ATP13A4: variants seen among roughly 807,000 people sequenced by gnomAD.
The protein encoded by ATP13A4 is ATPase 13A4, also known as probable cation-transporting ATPase 13A4.
ATP13A4 carries 114 observed loss-of-function variants against 142.5 expected under a neutral mutation model. That is an observed-to-expected ratio of 0.80 (90% CI 0.69 to 0.93). The LOEUF is 0.93. Among genes scored for constraint, ATP13A4 ranks in the 40% least tolerant of loss-of-function variants. The probability of loss-of-function intolerance (pLI) is 0.00; values close to 1 mark genes in which losing one functional copy is unlikely to be tolerated. For synonymous variants in ATP13A4, 488 were observed against 514.8 expected (o/e 0.95, Z 0.70); for missense variants, 1,392 against 1,454.0 (o/e 0.96, Z 0.69).
rs759427943 is a variant in ATP13A4 at position 193,467,373 on chromosome 3, C to G, written c.1057G>C (p.Val353Leu). 6.2e-7 allele frequency: 1 copy of G among 1,613,986 alleles called. No homozygotes were observed. The highest frequency in any genetic ancestry group is 8.5e-7 in the Non-Finnish European group (1 of 1,180,028). Reference protein sequence around the residue: ...KRHVLFCGTEVIQAKAACSGT... With the variant: ...KRHVLFCGTELIQAKAACSGT... Reference sequence around the variant, plus strand: ...GAGCAAGCTGCCTTGGCCTGGATAACCTCTGTTCCACAGAAGAGGACATGC... The same window carrying G: ...GAGCAAGCTGCCTTGGCCTGGATAAGCTCTGTTCCACAGAAGAGGACATGC... The change falls in exon 10 of 30, where the codon GTT becomes CTT. Residue 353 changes from valine to leucine, a missense_variant. Transcript: ENST00000342695.
chr3:193,408,848 C>G (rs1289236646), intron 28 of ATP13A4, among the ~76,000 whole-genome samples: 1 of 152,198 alleles, frequency 6.6e-6, no homozygotes, highest in Non-Finnish European at 1.5e-5. Flanking sequence ...TCCCCACTTC[C>G]TCTGGCTTTC....
chr3:193,546,800 G>A (rs1425789529), intron 1 of ATP13A4, among the ~76,000 whole-genome samples: 2 of 152,142 alleles, frequency 1.3e-5, no homozygotes, highest in African/African-American at 2.4e-5. Flanking sequence ...AAACGAACCT[G>A]GTAATGTCAC....
chr3:193,474,347 A>AAAC (rs1487315931), intron 8 of ATP13A4, among the ~76,000 whole-genome samples: 60 of 145,864 alleles, frequency 4.1e-4, no homozygotes, highest in African/African-American at 1.5e-3. Flanking sequence ...AAAAAAAAAA[A>AAAC]CAAACAAAAA....
At chr3:193,560,200 C>A (rs1026277701) in intron 2 of ATP13A4, among the ~76,000 whole-genome samples, 2 of 151,916 alleles carry the variant, frequency 1.3e-5, no homozygotes, top group South Asian at 4.2e-4. Context: ...CACACAACAT[C>A]ATATTGCTAC....
chr3:193,521,572 G>A (rs866443891), intron 1 of ATP13A4, among the ~76,000 whole-genome samples: 2 of 152,126 alleles, frequency 1.3e-5, no homozygotes, highest in African/African-American at 2.4e-5. Flanking sequence ...TTGGGACTTC[G>A]GGATTCTAGT....
intron 25 of ATP13A4, among the ~76,000 whole-genome samples, chr3:193,418,101 G>A (rs774789184): frequency 3.4e-4 from 29 of 86,124 alleles, no homozygotes; most frequent in East Asian, 1.6e-3. Context: ...CAGCCTGGGC[G>A]ACAGAGCGAG....
chr3:193,556,944 A>AT (rs1162331356), upstream of ATP13A4, among the ~76,000 whole-genome samples: 1 of 152,178 alleles, frequency 6.6e-6, no homozygotes, highest in Non-Finnish European at 1.5e-5. Context: ...TGGTGAAACT[A>AT]TATCAGTGCT....
chr3:193,525,493 C>A (rs1721950141), intron 1 of ATP13A4, among the ~76,000 whole-genome samples: 1 of 152,162 alleles, frequency 6.6e-6, no homozygotes, highest in Non-Finnish European at 1.5e-5. Context: ...AATGAAAAAT[C>A]TATTATGAAC....
At chr3:193,511,540 C>T (rs1398949193) in intron 2 of ATP13A4, among the ~76,000 whole-genome samples, 2 of 152,176 alleles carry the variant, frequency 1.3e-5, no homozygotes, top group African/African-American at 2.4e-5. Context: ...TTGTGCATAG[C>T]AAGCTCTTTT....
chr3:193,575,295 T>C lies in ATP13A4; in HGVS notation n.291+6412A>G, dbSNP rs535496594. ...CTGCAGCCATATTAAACTTTAACTA[T>C]CATCATAGAAGTTTCTAGAATTACT... On this transcript the variant is annotated intron_variant and non_coding_transcript_variant, in intron 2 of 3. Transcript: ENST00000489140. Among the ~76,000 whole-genome samples, 9 of 152,270 alleles carry C rather than the reference T, an allele frequency of 5.9e-5. No homozygotes were observed. In the East Asian group the frequency reaches 1.2e-3, roughly 20 times the overall value.
chr3:193,578,339 A>ATATCTATATCTATATCTATATCTG (rs1560289051), intron 2 of ATP13A4, among the ~76,000 whole-genome samples: 1 of 134,094 alleles, frequency 7.5e-6, no homozygotes, highest in Non-Finnish European at 1.6e-5. Flanking sequence ...ATCTATATCT[A>ATATCTATATCTATATCTATATCTG]TATCTATCTA....
At chr3:193,580,190 T>A (rs1164133948) in intron 2 of ATP13A4, among the ~76,000 whole-genome samples, 2 of 152,198 alleles carry the variant, frequency 1.3e-5, no homozygotes, top group South Asian at 2.1e-4. Flanking sequence ...CTCCTGCTGA[T>A]ATAGCCTGGT....
chr3:193,507,430 A>T (rs900493316), intron 2 of ATP13A4, among the ~76,000 whole-genome samples: 9 of 152,132 alleles, frequency 5.9e-5, no homozygotes, highest in African/African-American at 1.9e-4. Flanking sequence ...AAAAAAGTTG[A>T]CATTGGCTAG....
At chr3:193,590,183 A>G (rs540167333) in intron 1 of ATP13A4, among the ~76,000 whole-genome samples, 12 of 152,312 alleles carry the variant, frequency 7.9e-5, no homozygotes, top group African/African-American at 2.6e-4. Context: ...ACTCAAATCA[A>G]TCTTCCTGAA....
chr3:193,421,439 G>A (rs4687428), intron 25 of ATP13A4, among the ~76,000 whole-genome samples: 80,328 of 148,704 alleles, frequency 0.54, 23,550 homozygotes, highest in Non-Finnish European at 0.59. Context: ...GAAATGGAAG[G>A]ACACTACAAA....
chr3:193,560,740 T>C (rs930189354), intron 2 of ATP13A4, among the ~76,000 whole-genome samples: 1 of 152,204 alleles, frequency 6.6e-6, no homozygotes, highest in South Asian at 2.1e-4. Context: ...TGAAAATCTG[T>C]GCTTGGGGAG....
intron 2 of ATP13A4, among the ~76,000 whole-genome samples, chr3:193,563,026 T>C (rs1051398654): frequency 1.3e-5 from 2 of 152,176 alleles, no homozygotes; most frequent in Non-Finnish European, 2.9e-5. Flanking sequence ...CATGATACGG[T>C]ATTGTTGGAA....
At chr3:193,486,630 G>A (rs569983409) in intron 7 of ATP13A4, among the ~76,000 whole-genome samples, 1 of 152,292 alleles carries the variant, frequency 6.6e-6, no homozygotes, top group African/African-American at 2.4e-5. Flanking sequence ...TGTCAAAAGT[G>A]TTGAATTTAA....
At chr3:193,492,319 T>G (rs992240498) in intron 5 of ATP13A4, among the ~76,000 whole-genome samples, 1 of 152,132 alleles carries the variant, frequency 6.6e-6, no homozygotes, top group Non-Finnish European at 1.5e-5. Context: ...TGTCTATGAT[T>G]GGGAAACAAA....
Sources: gnomAD v4.1 joint callset for allele counts (sites outside exome capture counted in the v4.1 genomes callset) on GRCh38, gnomAD v4.1.1 for gene constraint, MANE v1.5 for transcripts, NCBI Gene and HGNC (gene_info 2026-07-23, HGNC 2026-07-21) for gene names.